EFHD1: variants seen among roughly 807,000 people sequenced by gnomAD.
EFHD1 encodes the protein EF-hand domain-containing protein D1.
In EFHD1, 10 loss-of-function variants were observed where a neutral mutation model predicts 17.2. The ratio of observed to expected loss-of-function variants is 0.58; its 90% confidence interval spans 0.36 to 0.99. EFHD1 has a LOEUF of 0.99. EFHD1 is among the 50% of genes least tolerant of loss of function. The pLI is 0.01. For synonymous variants in EFHD1, 153 were observed against 142.0 expected (o/e 1.08, Z -0.55); for missense variants, 310 against 327.5 (o/e 0.95, Z 0.41).
chr2:232,638,439 A>G (rs1159256981), intron 1 of EFHD1: 1 of 471,082 alleles, frequency 2.1e-6, no homozygotes, highest in African/African-American at 2.0e-5. Flanking sequence ...ATGTCCTGCC[A>G]GTGCCAGAGT....
At chr2:232,665,942 C>T (rs752471496) in intron 2 of EFHD1, among the ~76,000 whole-genome samples, 1 of 152,218 alleles carries the variant, frequency 6.6e-6, no homozygotes, top group African/African-American at 2.4e-5. Flanking sequence ...CCACATCAGC[C>T]TCCCAAAGTG....
At chr2:232,646,830 G>A (rs1694539138) in intron 1 of EFHD1, among the ~76,000 whole-genome samples, 1 of 152,246 alleles carries the variant, frequency 6.6e-6, no homozygotes, top group Admixed American at 6.5e-5. Flanking sequence ...GGCTGAAAGT[G>A]GCTAACCTCT....
upstream of EFHD1, among the ~76,000 whole-genome samples, chr2:232,632,317 A>G (rs567897064): frequency 6.6e-6 from 1 of 152,342 alleles, no homozygotes; most frequent in African/African-American, 2.4e-5. Context: ...ATTTTAACCC[A>G]GGTCCCCCGC....
At chr2:232,616,430 C>T (rs1385805226) in intron 1 of EFHD1, among the ~76,000 whole-genome samples, 1 of 152,116 alleles carries the variant, frequency 6.6e-6, no homozygotes, top group Non-Finnish European at 1.5e-5. Context: ...TCCTGAGTAG[C>T]TGGGATTACA....
At chr2:232,639,190 A>G (rs1694377482) in intron 1 of EFHD1, among the ~76,000 whole-genome samples, 1 of 152,122 alleles carries the variant, frequency 6.6e-6, no homozygotes, top group Admixed American at 6.6e-5. Context: ...TTACAGAGCC[A>G]TCGAATTTTA....
At position 232,662,798 on chromosome 2, in the gene EFHD1, G is replaced by A; in HGVS notation, c.303-4G>A. The A allele has an allele frequency of 6.4e-7, 1 of 1,569,228 alleles. No homozygotes were observed. The highest frequency in any genetic ancestry group is 2.0e-5 in the Admixed American group (1 of 50,792). On this transcript the variant is annotated splice_region_variant and splice_polypyrimidine_tract_variant and intron_variant, in intron 1 of 3. Coordinates refer to ENST00000264059, the MANE Select transcript of EFHD1 (RefSeq NM_025202.4). ...CCCGGTCATGCATTCCTTTGACCCTGCAGGTATGACGCTGGGCGGGATGGC... is the reference window on the plus strand; with the variant it reads ...CCCGGTCATGCATTCCTTTGACCCTACAGGTATGACGCTGGGCGGGATGGC...
chr2:232,634,196 G>T (rs1471807287), intron 1 of EFHD1, among the ~76,000 whole-genome samples, 190 bp downstream of exon 1: 1 of 152,144 alleles, frequency 6.6e-6, no homozygotes, highest in Non-Finnish European at 1.5e-5. Flanking sequence ...CGAAGAGGGG[G>T]GACACCAGGA....
intron 1 of EFHD1, among the ~76,000 whole-genome samples, chr2:232,656,054 C>T (rs1184294112): frequency 6.6e-6 from 1 of 152,090 alleles, no homozygotes; most frequent in Non-Finnish European, 1.5e-5. Context: ...GATCCACCCA[C>T]CTCGGCCTCC....
chr2:232,606,529 T>C (rs2140772), intron 1 of EFHD1: 174,263 of 364,956 alleles, frequency 0.48, 43,827 homozygotes, highest in African/African-American at 0.68. Flanking sequence ...CAGTCGTGGG[T>C]AGACCCGGCG....
upstream of EFHD1, chr2:232,633,197 G>A (rs71421653): frequency 0.1 from 15,860 of 153,168 alleles, 1,197 homozygotes; most frequent in African/African-American, 0.22. Context: ...GGGGACGCGT[G>A]GGTGTCGCTC....
chr2:232,648,939 G>A (rs774023088), intron 1 of EFHD1, among the ~76,000 whole-genome samples: 1 of 152,158 alleles, frequency 6.6e-6, no homozygotes, highest in Non-Finnish European at 1.5e-5. Context: ...TCACTAAGGC[G>A]TGTTCTGGGG....
intron 2 of EFHD1, among the ~76,000 whole-genome samples, chr2:232,664,983 C>G (rs1694944300): frequency 6.6e-6 from 1 of 152,018 alleles, no homozygotes; most frequent in Non-Finnish European, 1.5e-5. Context: ...ATAGTCTTAC[C>G]TCACTGCAAC....
chr2:232,617,465 C>T (rs1025333514), intron 1 of EFHD1, among the ~76,000 whole-genome samples: 10 of 147,414 alleles, frequency 6.8e-5, no homozygotes, highest in African/African-American at 7.5e-5. Context: ...CTGGCTGACA[C>T]GGCGAAACCC....
In EFHD1 at chr2:232,633,849, G is replaced by A. The variant is rs748342689; in HGVS notation, c.145G>A (p.Ala49Thr). The A allele has an allele frequency of 3.3e-6, 5 of 1,500,454 alleles. No individual in the cohort carries two copies. The African/African-American group carries it at 4.4e-5, about 13-fold the overall frequency. The allele number at this position is 1,500,454 out of a possible 1,614,324, so 92.9% of individuals were successfully genotyped here. The change falls in exon 1 of 4, where the codon GCC becomes ACC. Residue 49 changes from alanine (A) to threonine (T), a missense_variant. By Grantham distance (58) the Ala-to-Thr change is moderately conservative. Coordinates refer to ENST00000264059, the MANE Select transcript of EFHD1 (RefSeq NM_025202.4). Reference sequence around the variant, plus strand: ...CGAGCCTCCCGCCCGTGCGCCCACGGCCAGCGCCGACGCGGAGCTGAGCGC... The same window carrying A: ...CGAGCCTCCCGCCCGTGCGCCCACGACCAGCGCCGACGCGGAGCTGAGCGC... The part of the protein sequence containing the change: ...EPEPPARAPT[A>T]SADAELSAQL...
At chr2:232,665,703 T>C (rs1694956871) in intron 2 of EFHD1, among the ~76,000 whole-genome samples, 1 of 152,240 alleles carries the variant, frequency 6.6e-6, no homozygotes, top group Admixed American at 6.5e-5. Context: ...AATATAGGCG[T>C]GAGCCACTGC....
At chr2:232,660,427 C>T (rs1694842403) in intron 1 of EFHD1, among the ~76,000 whole-genome samples, 1 of 151,838 alleles carries the variant, frequency 6.6e-6, no homozygotes, top group South Asian at 2.1e-4. Flanking sequence ...ATCTTGTTCT[C>T]CTGACCTCGT....
chr2:232,678,676 G>A (rs568358468), intron 3 of EFHD1, among the ~76,000 whole-genome samples: 245 of 152,242 alleles, frequency 1.6e-3, no homozygotes, highest in African/African-American at 5.7e-3. Context: ...CCAGCTACTC[G>A]GGAGACTGAG....
intron 1 of EFHD1, among the ~76,000 whole-genome samples, chr2:232,614,868 C>G (rs961783717): frequency 6.6e-6 from 1 of 152,090 alleles, no homozygotes; most frequent in Non-Finnish European, 1.5e-5. Flanking sequence ...CCCAGCTACT[C>G]GAGAGGCTGA....
At chr2:232,615,829 A>G (rs1254615805) in intron 1 of EFHD1, among the ~76,000 whole-genome samples, 1 of 151,856 alleles carries the variant, frequency 6.6e-6, no homozygotes, top group African/African-American at 2.4e-5. Context: ...CTGGGATTAC[A>G]GGCATGCGCC....
Sources: gnomAD v4.1 joint callset for allele counts (sites outside exome capture counted in the v4.1 genomes callset) on GRCh38, gnomAD v4.1.1 for gene constraint, MANE v1.5 for transcripts, NCBI Gene and HGNC (gene_info 2026-07-23, HGNC 2026-07-21) for gene names.